Variants in SRGAP1 observed in about 807,000 individuals in gnomAD.
SRGAP1 encodes the protein SLIT-ROBO Rho GTPase-activating protein 1.
SRGAP1 carries 43 observed loss-of-function variants against 121.9 expected under a neutral mutation model. The ratio of observed to expected loss-of-function variants is 0.35; its 90% confidence interval spans 0.28 to 0.46. The LOEUF (loss-of-function observed/expected upper bound fraction) is 0.46, where lower values mean the gene tolerates loss of function less well. Ranked by LOEUF, SRGAP1 falls within the 20% of genes least tolerant of loss-of-function variation. The pLI is 1.00. For synonymous variants in SRGAP1, 447 were observed against 485.4 expected (o/e 0.92, Z 1.04); for missense variants, 1,102 against 1,350.9 (o/e 0.82, Z 2.89).
At chr12:64,052,273 C>T (rs2035251558) in intron 6 of SRGAP1, among the ~76,000 whole-genome samples, 1 of 151,436 alleles carries the variant, frequency 6.6e-6, no homozygotes, top group African/African-American at 2.4e-5. Context: ...AGGAACATAA[C>T]CTGGGCACGG....
At chr12:64,129,703 A>C (rs890678169) in intron 21 of SRGAP1, among the ~76,000 whole-genome samples, 1 of 152,204 alleles carries the variant, frequency 6.6e-6, no homozygotes, top group Admixed American at 6.5e-5. Flanking sequence ...CCAATCCCCA[A>C]CCCAAATGCT....
intron 15 of SRGAP1, among the ~76,000 whole-genome samples, chr12:64,107,181 A>C (rs2036358411): frequency 6.6e-6 from 1 of 152,160 alleles, no homozygotes; most frequent in South Asian, 2.1e-4. Flanking sequence ...GTACCTTTTC[A>C]GCTATGCAAA....
intron 2 of SRGAP1, among the ~76,000 whole-genome samples, chr12:63,989,708 G>A (rs957836928): frequency 2.0e-5 from 3 of 152,228 alleles, no homozygotes; most frequent in Non-Finnish European, 4.4e-5. Context: ...TCCAAACCTG[G>A]ACAATTGCTG....
intron 6 of SRGAP1, among the ~76,000 whole-genome samples, chr12:64,055,659 T>C (rs983490455): frequency 1.3e-5 from 2 of 152,208 alleles, no homozygotes; most frequent in African/African-American, 4.8e-5. Context: ...AACAGAGATA[T>C]AGATCAATGG....
rs2037050162 is a variant in SRGAP1, at chr12:64,146,304, AT to A, written c.*3633del. 2.0e-5 allele frequency: 3 copies of A among 152,194 alleles called. No homozygotes were observed. In the South Asian group the frequency reaches 6.2e-4, roughly 32 times the overall value. 9.4% of individuals were successfully genotyped at this position (152,194 alleles called of 1,614,324 possible). ...TCTACTGCAATGATCGTGAACAGTTATCAGTGGATATAGTGCTCCAAGAGTC... is the reference window on the plus strand; with the variant it reads ...TCTACTGCAATGATCGTGAACAGTTACAGTGGATATAGTGCTCCAAGAGTC... On this transcript the variant is annotated 3_prime_UTR_variant, in exon 22 of 22. Transcript: ENST00000355086.
intron 21 of SRGAP1, among the ~76,000 whole-genome samples, chr12:64,137,537 T>C (rs2036875169): frequency 6.6e-6 from 1 of 152,196 alleles, no homozygotes; most frequent in Non-Finnish European, 1.5e-5. Context: ...AAATGCAGAT[T>C]ATTTTATTAA....
chr12:63,857,575 G>A (rs1899298377), intron 1 of SRGAP1, among the ~76,000 whole-genome samples: 1 of 151,416 alleles, frequency 6.6e-6, no homozygotes, highest in East Asian at 1.9e-4. Context: ...GTAAAGACAG[G>A]GTTTCACCAT....
intron 1 of SRGAP1, among the ~76,000 whole-genome samples, chr12:63,868,244 G>C (rs939407077): frequency 6.6e-6 from 1 of 151,186 alleles, no homozygotes; most frequent in Non-Finnish European, 1.5e-5. Flanking sequence ...ACCACACCCA[G>C]CTAATTTTTT....
chr12:64,060,955 C>G (rs1270967740), intron 6 of SRGAP1, among the ~76,000 whole-genome samples: 1 of 152,198 alleles, frequency 6.6e-6, no homozygotes, highest in Non-Finnish European at 1.5e-5. Flanking sequence ...TGAATTGAAT[C>G]AAACTGAATT....
chr12:63,851,524 T>C (rs1247377435), intron 1 of SRGAP1, among the ~76,000 whole-genome samples: 1 of 152,110 alleles, frequency 6.6e-6, no homozygotes, highest in Non-Finnish European at 1.5e-5. Context: ...TAAGAGTCAA[T>C]TTCTTCATCT....
intron 1 of SRGAP1, among the ~76,000 whole-genome samples, chr12:63,924,080 G>T (rs1301635467): frequency 6.6e-6 from 1 of 152,176 alleles, no homozygotes; most frequent in African/African-American, 2.4e-5. Context: ...GGTGGAGGTT[G>T]CAGGGAGGTG....
chr12:64,110,386 C>A (rs1471543618), intron 16 of SRGAP1, among the ~76,000 whole-genome samples: 1 of 152,178 alleles, frequency 6.6e-6, no homozygotes, highest in Non-Finnish European at 1.5e-5. Flanking sequence ...GCAAATGCAC[C>A]ATGGGTGTTG....
At chr12:64,075,848 C>T (rs987253121) in intron 8 of SRGAP1, among the ~76,000 whole-genome samples, 1 of 151,212 alleles carries the variant, frequency 6.6e-6, no homozygotes, top group Admixed American at 6.6e-5. Context: ...ATATTAATTC[C>T]ATCACATGAC....
intron 8 of SRGAP1, among the ~76,000 whole-genome samples, chr12:64,072,032 C>T (rs534613358): frequency 1.3e-5 from 2 of 150,916 alleles, no homozygotes; most frequent in South Asian, 2.1e-4. Context: ...CCTGTGCTCT[C>T]GCCTTCTGTG....
chr12:64,125,326 A>G lies in SRGAP1; in HGVS notation c.2225-651A>G, dbSNP rs993092950. On this transcript the variant is annotated intron_variant, in intron 18 of 21. Transcript: ENST00000355086. ...GTTTTTTTAATTTGGACAGAGGGCA[A>G]TTTAAGGCATATTTGTTTTATGGTT... Among the ~76,000 whole-genome samples the G allele has an allele frequency of 2.6e-5, 4 of 152,212 alleles. No individual in the cohort carries two copies. The South Asian group carries it at 6.2e-4, about 24-fold the overall frequency.
At chr12:64,022,901 G>A (rs1762704892) in intron 4 of SRGAP1, among the ~76,000 whole-genome samples, 4 of 152,010 alleles carry the variant, frequency 2.6e-5, no homozygotes, top group African/African-American at 4.8e-5. Context: ...AGAGAGAGAG[G>A]GGCCATAAAT....
intron 1 of SRGAP1, among the ~76,000 whole-genome samples, chr12:63,932,713 A>C (rs1400486617): frequency 6.6e-6 from 1 of 152,204 alleles, no homozygotes; most frequent in Non-Finnish European, 1.5e-5. Flanking sequence ...AAGGAAATTG[A>C]TTTTACCATT....
intron 1 of SRGAP1, among the ~76,000 whole-genome samples, chr12:63,939,255 T>C (rs937396349): frequency 4.0e-5 from 6 of 151,812 alleles, no homozygotes; most frequent in Non-Finnish European, 8.8e-5. Context: ...AGAGCACCAA[T>C]CCCAAGACAG....
intron 3 of SRGAP1, among the ~76,000 whole-genome samples, chr12:63,993,958 A>G (rs967970089): frequency 3.9e-5 from 6 of 152,134 alleles, no homozygotes; most frequent in Admixed American, 1.3e-4. Flanking sequence ...AATGAAGCCT[A>G]TTGGTCAAAA....
Sources: allele counts gnomAD v4.1 joint callset (sites outside exome capture counted in the v4.1 genomes callset), GRCh38; gene constraint gnomAD v4.1.1; transcripts MANE v1.5; gene names NCBI Gene and HGNC (gene_info 2026-07-23, HGNC 2026-07-21).